The following RABGAP1 variants were observed in gnomAD, a reference collection of about 807,000 sequenced individuals.
The protein encoded by RABGAP1 is rab GTPase-activating protein 1.
RABGAP1 carries 23 observed loss-of-function variants against 137.6 expected under a neutral mutation model. The ratio of observed to expected loss-of-function variants is 0.17; its 90% confidence interval spans 0.12 to 0.24. The LOEUF (loss-of-function observed/expected upper bound fraction) is 0.24. Ranked by LOEUF, RABGAP1 falls within the 10% of genes least tolerant of loss-of-function variation. RABGAP1 has a pLI of 1.00. For missense variants in RABGAP1, 906 were observed against 1,275.8 expected (o/e 0.71, Z 4.42); for synonymous variants, 451 against 450.7 (o/e 1.00, Z -0.01).
At position 123,101,677 on chromosome 9, in the gene RABGAP1, G is replaced by C. The variant is rs148005138; in HGVS notation, c.3001G>C (p.Glu1001Gln). ...VLDEDTDEEK[E>Q]TLKNQLREME... Reference sequence around the variant, plus strand: ...AGATGAGGACACGGATGAAGAGAAAGAGACGCTCAAGAACCAGCTGAGAGA... The same window carrying C: ...AGATGAGGACACGGATGAAGAGAAACAGACGCTCAAGAACCAGCTGAGAGA... The change falls in exon 25 of 26, where the codon GAG becomes CAG. Residue 1001 changes from glutamate to glutamine, a missense_variant. Physicochemically the swap from Glu to Gln is conservative, Grantham distance 29. This residue lies in a region of RABGAP1 where 193 missense variants were observed against 248.1 expected (regional missense o/e 0.78). Coordinates refer to ENST00000373647, the MANE Select transcript of RABGAP1 (RefSeq NM_012197.4). The C allele has an allele frequency of 1.2e-6, 2 of 1,614,074 alleles. No homozygotes were observed. The highest frequency in any genetic ancestry group is 2.7e-5 in the African/African-American group (2 of 75,060).
At chr9:123,063,873 AT>A (rs1453605207) in intron 13 of RABGAP1, among the ~76,000 whole-genome samples, 1 of 152,150 alleles carries the variant, frequency 6.6e-6, no homozygotes, top group African/African-American at 2.4e-5. Context: ...AGATTTTTAA[AT>A]TTTGATGAAG....
chr9:123,023,202 A>AT (rs1226269539), intron 13 of RABGAP1, among the ~76,000 whole-genome samples: 1 of 151,944 alleles, frequency 6.6e-6, no homozygotes, highest in Non-Finnish European at 1.5e-5. Flanking sequence ...TGTTTTGGAG[A>AT]TGGAGTCTTG....
intron 13 of RABGAP1, among the ~76,000 whole-genome samples, chr9:123,023,252 C>T (rs2031756226): frequency 6.6e-6 from 1 of 152,182 alleles, no homozygotes; most frequent in Admixed American, 6.5e-5. Context: ...ATGATCTCAG[C>T]TCACTGCAAC....
chr9:122,966,956 A>G (rs990508447), intron 2 of RABGAP1, among the ~76,000 whole-genome samples: 1 of 152,204 alleles, frequency 6.6e-6, no homozygotes, highest in Non-Finnish European at 1.5e-5. Flanking sequence ...AGCATGGGAA[A>G]GACCTGCCTC....
At chr9:123,079,242 T>TTG (rs760745464) in intron 19 of RABGAP1, among the ~76,000 whole-genome samples, 1,859 of 134,792 alleles carry the variant, frequency 0.014, 17 homozygotes, top group East Asian at 0.048. Context: ...TTGTTTTGTT[T>TTG]TTTTTTTTTT....
upstream of RABGAP1, chr9:122,940,339 C>T (rs1038988812): frequency 8.5e-5 from 13 of 152,124 alleles, no homozygotes; most frequent in Admixed American, 6.5e-5. Context: ...TCTGATGTAA[C>T]CTTGTCCATT....
At chr9:122,995,566 A>ATTTTTTTTTTTTTT (rs34683455) in intron 6 of RABGAP1, among the ~76,000 whole-genome samples, 1 of 118,470 alleles carries the variant, frequency 8.4e-6, no homozygotes, top group African/African-American at 3.2e-5. Context: ...ATATCAAATG[A>ATTTTTTTTTTTTTT]TTTTTTTTTT....
At position 123,070,088 on chromosome 9, in the gene RABGAP1, G is replaced by A. The variant is rs943771698; in HGVS notation, c.1909-262G>A. Among the ~76,000 whole-genome samples the A allele has an allele frequency of 6.6e-6, 1 of 152,118 alleles. No homozygotes were observed. The highest frequency in any genetic ancestry group is 1.5e-5 in the Non-Finnish European group (1 of 68,028). ...ATCATGAACAACAACAAGGAAATACGAAGTTTTTTTTAGCGCAGAAGTGGT... is the reference window on the plus strand; with the variant it reads ...ATCATGAACAACAACAAGGAAATACAAAGTTTTTTTTAGCGCAGAAGTGGT... On this transcript the variant is annotated intron_variant, in intron 14 of 25. Transcript: ENST00000373647. This position sits in a 1 kb window ranked among gnomAD's most constrained non-coding sequence, Gnocchi z 4.4.
intron 14 of RABGAP1, among the ~76,000 whole-genome samples, chr9:123,069,814 G>A (rs2034295708): frequency 6.6e-6 from 1 of 152,052 alleles, no homozygotes. Flanking sequence ...AGCCCAGGAG[G>A]TTGACGCTGC....
chr9:122,939,861 CTG>C (rs994348808), upstream of RABGAP1: 11 of 152,262 alleles, frequency 7.2e-5, no homozygotes, highest in African/African-American at 2.6e-4. Context: ...ATTTTTCTCA[CTG>C]TTTTTTCTCT....
At chr9:123,034,603 C>T in intron 13 of RABGAP1, 1 of 1,612,410 alleles carries the variant, frequency 6.2e-7, no homozygotes, top group Non-Finnish European at 8.5e-7. Context: ...GAGCAGCCAC[C>T]CTTTTTGCCT....
At chr9:123,063,434 A>G (rs1178044865) in intron 13 of RABGAP1, 2 of 152,684 alleles carry the variant, frequency 1.3e-5, no homozygotes, top group African/African-American at 4.8e-5. Context: ...TAGGAATGGA[A>G]TCACTGGGTT....
At chr9:123,090,444 A>G (rs2035000787) in intron 21 of RABGAP1, 59 bp downstream of exon 21, 2 of 1,354,360 alleles carry the variant, frequency 1.5e-6, no homozygotes, top group Non-Finnish European at 2.0e-6. Context: ...TTTCCCCTCA[A>G]GAGAAATCCT....
In RABGAP1 at chr9:123,070,541, A is replaced by C; in HGVS notation, c.1983+117A>C. ...GACAGACTCTTAAGGCATGAATTTT[A>C]ACACCTATAGCTGGAAACTTTTTCC... On this transcript the variant is annotated intron_variant, in intron 15 of 25. Coordinates refer to ENST00000373647, the MANE Select transcript of RABGAP1 (RefSeq NM_012197.4). The surrounding 1 kb of genome is among the most constrained non-coding windows in gnomAD (Gnocchi z 4.4). 2 of 1,501,330 alleles carry C rather than the reference A, an allele frequency of 1.3e-6. No homozygotes were observed. Among genetic ancestry groups the C allele is most frequent in the Non-Finnish European group, 1.8e-6 (2 of 1,127,696 alleles). The allele number at this position is 1,501,330 out of a possible 1,614,324, so 93.0% of individuals were successfully genotyped here.
At chr9:122,989,169 A>T in intron 4 of RABGAP1, 128 bp from the exon 5 acceptor site, 2 of 838,308 alleles carry the variant, frequency 2.4e-6, no homozygotes, top group Non-Finnish European at 3.8e-6. Flanking sequence ...ATTAAAATTT[A>T]AGGTTAATAT....
rs5900554 is a variant in RABGAP1, at chr9:123,049,189, T to TTGTAAA, written c.1795-16159_1795-16158insTGTAAA. On this transcript the variant is annotated intron_variant, in intron 13 of 25. Transcript: ENST00000373647. ...TCAGCTAATATAATTCTAAAGTATA[T>TTGTAAA]GTTAAAGGAGCTTATTTGGCAAACA... is the stretch of plus-strand genomic sequence containing the variant. Among the ~76,000 whole-genome samples, 13 of 151,878 alleles carry TTGTAAA rather than the reference T, an allele frequency of 8.6e-5. No individual in the cohort carries two copies. In the East Asian group the frequency reaches 2.5e-3, roughly 30 times the overall value.
chr9:123,060,814 T>C (rs1280159544), intron 13 of RABGAP1, among the ~76,000 whole-genome samples: 3 of 152,236 alleles, frequency 2.0e-5, no homozygotes, highest in Non-Finnish European at 2.9e-5. Context: ...GACAGGAATA[T>C]ACAGACTTTT....
chr9:123,055,922 CTT>C (rs2033674521), intron 13 of RABGAP1, among the ~76,000 whole-genome samples: 1 of 152,192 alleles, frequency 6.6e-6, no homozygotes, highest in Non-Finnish European at 1.5e-5. Flanking sequence ...ATCGGGAACT[CTT>C]TCACTTGGCT....
chr9:123,015,079 T>G (rs1339510782), intron 11 of RABGAP1, among the ~76,000 whole-genome samples: 1 of 152,202 alleles, frequency 6.6e-6, no homozygotes, highest in Non-Finnish European at 1.5e-5. Context: ...CATTATTATA[T>G]AAACATAAAT....
Sources: gnomAD v4.1 joint callset for allele counts (sites outside exome capture counted in the v4.1 genomes callset) on GRCh38, gnomAD v4.1.1 for gene constraint, gnomAD v4.1.1 regional missense constraint, Gnocchi (gnomAD v3.1) non-coding constraint, MANE v1.5 for transcripts, NCBI Gene and HGNC (gene_info 2026-07-23, HGNC 2026-07-21) for gene names.